CCBE1: variants seen among roughly 807,000 people sequenced by gnomAD.
CCBE1 encodes collagen and calcium binding EGF domains 1.
In CCBE1, 37 loss-of-function variants were observed where a neutral mutation model predicts 50.0. The observed-to-expected ratio is 0.74, with a 90% CI of 0.57 to 0.97. The LOEUF (loss-of-function observed/expected upper bound fraction) is 0.97, where lower values mean the gene tolerates loss of function less well. Among genes scored for constraint, CCBE1 ranks in the 50% least tolerant of loss-of-function variants. The pLI, the probability that CCBE1 is intolerant of heterozygous loss-of-function variation, is 0.00. For missense variants in CCBE1, 538 were observed against 523.8 expected, an observed-to-expected ratio of 1.03 and a Z score of -0.26; for synonymous variants, 234 against 203.7, an observed-to-expected ratio of 1.15 and a Z score of -1.27.
At position 59,562,958 on chromosome 18, in the gene CCBE1, C is replaced by T. The variant is rs965439410; in HGVS notation, c.213-82720G>A. On this transcript the variant is annotated intron_variant, in intron 2 of 10. Transcript: ENST00000439986. ...AGTGGTGGTGTTCAGGGAATGGACT[C>T]TTCCATATAAGTCACGGATTGCTTA... Among the ~76,000 whole-genome samples, 4 of 152,218 alleles carry T rather than the reference C, an allele frequency of 2.6e-5. No homozygotes were observed. In the East Asian group the frequency reaches 7.7e-4, roughly 29 times the overall value.
intron 2 of CCBE1, among the ~76,000 whole-genome samples, chr18:59,680,682 G>C (rs1216501601): frequency 6.6e-6 from 1 of 150,900 alleles, no homozygotes; most frequent in Non-Finnish European, 1.5e-5. Context: ...CTGGGAGACA[G>C]AGCGAGACTC....
At chr18:59,572,927 A>G (rs995460788) in intron 2 of CCBE1, among the ~76,000 whole-genome samples, 3 of 152,148 alleles carry the variant, frequency 2.0e-5, no homozygotes, top group African/African-American at 4.8e-5. Context: ...TGCTGTAAAG[A>G]TATTTTAAGA....
intron 2 of CCBE1, among the ~76,000 whole-genome samples, chr18:59,564,363 C>CTA (rs1243747231): frequency 7.2e-5 from 11 of 152,216 alleles, no homozygotes; most frequent in African/African-American, 1.2e-4. Flanking sequence ...AAATGAGATA[C>CTA]TATATATATA....
intron 2 of CCBE1, among the ~76,000 whole-genome samples, chr18:59,497,503 G>C (rs146101905): frequency 2.2e-4 from 34 of 152,266 alleles, no homozygotes; most frequent in African/African-American, 8.2e-4. Flanking sequence ...CTGGTTTGAG[G>C]CATCTTTGTA....
chr18:59,691,573 T>G (rs2054734010), intron 2 of CCBE1, among the ~76,000 whole-genome samples: 1 of 152,096 alleles, frequency 6.6e-6, no homozygotes, highest in African/African-American at 2.4e-5. Flanking sequence ...GCCCAGCTAA[T>G]TTTTGTACTT....
chr18:59,697,390 A>T lies in CCBE1; in HGVS notation c.-48T>A. 1.3e-6 allele frequency: 2 copies of T among 1,533,490 alleles called. No individual in the cohort carries two copies. The highest frequency in any genetic ancestry group is 2.3e-4 in the Middle Eastern group (1 of 4,348). The allele number at this position is 1,533,490 out of a possible 1,614,324, so 95.0% of individuals were successfully genotyped here. On this transcript the variant is annotated 5_prime_UTR_variant, in exon 1 of 11. The change creates a new upstream start codon in the 5' untranslated region. Coordinates refer to ENST00000439986, the MANE Select transcript of CCBE1 (RefSeq NM_133459.4). ...CCAGCGCCGAGCTCCGTCCGGACCA[A>T]GCGTCCTGCTCCTCCGCGGCCGCCG...
chr18:59,652,447 G>C (rs965685075), intron 2 of CCBE1, among the ~76,000 whole-genome samples: 1 of 151,304 alleles, frequency 6.6e-6, no homozygotes, highest in African/African-American at 2.4e-5. Context: ...ATGGTTTGTA[G>C]GATCAGTAAA....
chr18:59,654,340 G>C (rs1037898905), intron 2 of CCBE1, among the ~76,000 whole-genome samples: 24 of 152,196 alleles, frequency 1.6e-4, no homozygotes, highest in Non-Finnish European at 5.9e-5. Flanking sequence ...GGAAAGAACT[G>C]GGAAAAACAG....
At chr18:59,513,150 A>C (rs1211076217) in intron 2 of CCBE1, among the ~76,000 whole-genome samples, 1 of 152,154 alleles carries the variant, frequency 6.6e-6, no homozygotes, top group Non-Finnish European at 1.5e-5. Flanking sequence ...TCCACTAAAA[A>C]TACAAAAATT....
intron 2 of CCBE1, among the ~76,000 whole-genome samples, chr18:59,518,460 A>G (rs893186818): frequency 6.6e-6 from 1 of 152,248 alleles, no homozygotes; most frequent in African/African-American, 2.4e-5. Flanking sequence ...CATTCATAAA[A>G]TAACTATAAA....
rs116403454 is a variant in CCBE1 at position 59,605,530 on chromosome 18, A to G, written c.212+91099T>C. On this transcript the variant is annotated intron_variant, in intron 2 of 10. Coordinates refer to ENST00000439986, the MANE Select transcript of CCBE1 (RefSeq NM_133459.4). Reference sequence around the variant, plus strand: ...GTGGATAACTCTTAGGTTGGCCAGCATTCCCCACTGGTCAGCCATTCTGCA... The same window carrying G: ...GTGGATAACTCTTAGGTTGGCCAGCGTTCCCCACTGGTCAGCCATTCTGCA... Among the ~76,000 whole-genome samples, 316 of 152,308 alleles carry G rather than the reference A, an allele frequency of 2.1e-3. 1 individual carries two copies. Among genetic ancestry groups the G allele is most frequent in the African/African-American group, 7.4e-3 (309 of 41,570 alleles).
intron 2 of CCBE1, among the ~76,000 whole-genome samples, chr18:59,617,440 A>G (rs548015608): frequency 5.8e-4 from 88 of 152,334 alleles, no homozygotes; most frequent in African/African-American, 2.0e-3. Context: ...AAACTTGCCC[A>G]AAGGTCAGCT....
intron 2 of CCBE1, among the ~76,000 whole-genome samples, chr18:59,576,740 G>C (rs1004021089): frequency 1.3e-5 from 2 of 152,194 alleles, no homozygotes; most frequent in East Asian, 3.8e-4. Context: ...CTGTCTTGGT[G>C]TGAAACAAAT....
At chr18:59,610,810 G>GC (rs2053558697) in intron 2 of CCBE1, among the ~76,000 whole-genome samples, 1 of 152,254 alleles carries the variant, frequency 6.6e-6, no homozygotes. Context: ...CACAGAGCCA[G>GC]CTAGCAAAGT....
intron 2 of CCBE1, among the ~76,000 whole-genome samples, chr18:59,635,490 T>TA (rs543643570): frequency 6.6e-6 from 1 of 151,450 alleles, no homozygotes; most frequent in Admixed American, 6.6e-5. Flanking sequence ...AACAGTAATT[T>TA]AAAAAATCTA....
chr18:59,686,679 C>T (rs936260923), intron 2 of CCBE1, among the ~76,000 whole-genome samples: 6 of 152,152 alleles, frequency 3.9e-5, no homozygotes, highest in African/African-American at 1.4e-4. Context: ...TCAAAGCTCC[C>T]TTTATCATCA....
intron 2 of CCBE1, among the ~76,000 whole-genome samples, chr18:59,525,980 G>A (rs952043102): frequency 6.6e-6 from 1 of 152,128 alleles, no homozygotes; most frequent in Admixed American, 6.5e-5. Flanking sequence ...ATGCTGTTTT[G>A]GTTAATGTAG....
chr18:59,564,372 T>C (rs1033741797), intron 2 of CCBE1, among the ~76,000 whole-genome samples: 8 of 152,152 alleles, frequency 5.3e-5, no homozygotes, highest in African/African-American at 1.4e-4. Flanking sequence ...ACTATATATA[T>C]ACACACACAC....
intron 2 of CCBE1, among the ~76,000 whole-genome samples, chr18:59,535,124 CATTCAGCATGCTGTA>C (rs1342600140): frequency 6.6e-6 from 1 of 151,404 alleles, no homozygotes. Flanking sequence ...TTAGACGAGG[CATTCAGCATGCTGTA>C]GTTCTGCCTT....
Sources: gnomAD v4.1 joint callset for allele counts (sites outside exome capture counted in the v4.1 genomes callset) on GRCh38, gnomAD v4.1.1 for gene constraint, MANE v1.5 for transcripts, NCBI Gene and HGNC (gene_info 2026-07-23, HGNC 2026-07-21) for gene names.